The following CAMSAP2 variants were observed in gnomAD, a reference collection of about 807,000 sequenced individuals.
CAMSAP2 encodes calmodulin regulated spectrin associated protein family member 2.
A neutral mutation model predicts 146.1 loss-of-function variants in CAMSAP2; 26 were observed. The ratio of observed to expected loss-of-function variants is 0.18; its 90% confidence interval spans 0.13 to 0.25. The LOEUF is 0.25. Ranked by LOEUF, CAMSAP2 falls within the 10% of genes least tolerant of loss-of-function variation. CAMSAP2 has a pLI of 1.00. For synonymous variants in CAMSAP2, 499 were observed against 596.6 expected, an observed-to-expected ratio of 0.84 and a Z score of 2.38; for missense variants, 1,381 against 1,759.3, an observed-to-expected ratio of 0.78 and a Z score of 3.85.
rs118074931 is a variant in CAMSAP2 at position 200,753,188 on chromosome 1, C to G, written c.140-7651C>G. On this transcript the variant is annotated intron_variant, in intron 1 of 16. Coordinates refer to ENST00000358823, the MANE Select transcript of CAMSAP2 (RefSeq NM_203459.4). ...TGGTCCGTGCTTGTGGTTCCAGCTA[C>G]TCGGTAGGCCGAGGCAGGAGAATTG... 6.4e-4 allele frequency among the ~76,000 whole-genome samples: 97 copies of G among 151,396 alleles called. 3 individuals are homozygous for G. The East Asian group carries it at 0.017, about 26-fold the overall frequency.
At position 200,857,388 on chromosome 1, in the gene CAMSAP2, A is replaced by G; in HGVS notation, c.4095A>G (p.Gly1365=). ...QNALAHCCLA[G]KVNEGQKKKI... is the part of the protein sequence containing the mutation. ...CTTTAGCTCATTGCTGTTTGGCTGG[A>G]AAAGTAAATGAAGGTCAGAAGAAAA... Residue 1365 remains glycine (G), a synonymous_variant, in exon 16 of 17, where the codon GGA becomes GGG. Transcript: ENST00000358823. This position sits in a 1 kb window ranked among gnomAD's most constrained non-coding sequence, Gnocchi z 4.7. The G allele has an allele frequency of 6.2e-7, 1 of 1,613,498 alleles. No homozygotes were observed. Among genetic ancestry groups the G allele is most frequent in the Non-Finnish European group, 8.5e-7 (1 of 1,179,536 alleles).
intron 6 of CAMSAP2, among the ~76,000 whole-genome samples, chr1:200,838,313 G>A (rs1667233130): frequency 6.6e-6 from 1 of 152,154 alleles, no homozygotes; most frequent in Non-Finnish European, 1.5e-5. Context: ...AACTAGGCTA[G>A]TAAAATGGAA....
At chr1:200,822,502 G>A (rs1014437916) in intron 4 of CAMSAP2, among the ~76,000 whole-genome samples, 2 of 152,110 alleles carry the variant, frequency 1.3e-5, no homozygotes, top group South Asian at 2.1e-4. Context: ...ATTAGATGAA[G>A]GTTGTGCTTT....
intron 2 of CAMSAP2, among the ~76,000 whole-genome samples, chr1:200,798,281 G>C (rs995513166): frequency 6.6e-5 from 9 of 136,268 alleles, no homozygotes; most frequent in Non-Finnish European, 1.2e-4. Context: ...TCACGATATT[G>C]ATTCTTCCCA....
At chr1:200,817,190 A>ACACG (rs1553288792) in intron 4 of CAMSAP2, among the ~76,000 whole-genome samples, 5 of 77,392 alleles carry the variant, frequency 6.5e-5, no homozygotes, top group African/African-American at 3.7e-4. Flanking sequence ...ACACACACAC[A>ACACG]TGTGTGTGTG....
intron 6 of CAMSAP2, among the ~76,000 whole-genome samples, chr1:200,837,284 G>A (rs1420913048): frequency 1.3e-5 from 2 of 152,102 alleles, no homozygotes; most frequent in Non-Finnish European, 1.5e-5. Flanking sequence ...TAAGGAAAGT[G>A]TCTGTTTTCC....
intron 9 of CAMSAP2, 110 bp from the exon 10 acceptor site, chr1:200,847,530 T>C (rs2131834): frequency 1 from 886,865 of 886,938 alleles, 443,396 homozygotes; most frequent in Non-Finnish European, 1. Flanking sequence ...TATGTACCTA[T>C]TTAATTTGTA....
intron 6 of CAMSAP2, among the ~76,000 whole-genome samples, chr1:200,833,770 A>T (rs1050187329): frequency 6.6e-6 from 1 of 152,206 alleles, no homozygotes; most frequent in Non-Finnish European, 1.5e-5. Flanking sequence ...CTATTTAACT[A>T]CCATTATGCA....
intron 1 of CAMSAP2, among the ~76,000 whole-genome samples, chr1:200,754,948 G>A (rs555819950): frequency 2.4e-4 from 37 of 152,250 alleles, no homozygotes; most frequent in Non-Finnish European, 5.0e-4. Context: ...GTTTTATTCA[G>A]TGGGTTATAA....
intron 3 of CAMSAP2, among the ~76,000 whole-genome samples, chr1:200,810,734 C>T (rs990440082): frequency 1.3e-5 from 2 of 149,092 alleles, no homozygotes; most frequent in Admixed American, 6.7e-5. Flanking sequence ...ACTAAAAATA[C>T]AGAAATTAGC....
chr1:200,738,958 T>C lies in CAMSAP2; in HGVS notation c.-870T>C, dbSNP rs1008225568. Among the ~76,000 whole-genome samples, 4 of 109,438 alleles carry C rather than the reference T, an allele frequency of 3.7e-5. No homozygotes were observed. Among genetic ancestry groups the C allele is most frequent in the African/African-American group, 1.5e-4 (4 of 27,356 alleles). The allele number at this position is 109,438 out of a possible 152,430, so 71.8% of individuals were successfully genotyped here. On this transcript the variant is annotated 5_prime_UTR_variant, in exon 1 of 17. Transcript: ENST00000358823. ...AAACCGCAGCGGCGGCGGCGGCGGC[T>C]GAGGGGGAACGATCCAGCGAGCTGC...
At chr1:200,807,353 T>C in intron 2 of CAMSAP2, 23 bp from the exon 3 acceptor site, 1 of 1,458,116 alleles carries the variant, frequency 6.9e-7, no homozygotes, top group Non-Finnish European at 9.1e-7. Flanking sequence ...TTTAAACTAT[T>C]TGTTCTTGTT....
chr1:200,774,815 A>T (rs1386189826), intron 2 of CAMSAP2, among the ~76,000 whole-genome samples: 1 of 152,246 alleles, frequency 6.6e-6, no homozygotes, highest in Non-Finnish European at 1.5e-5. Flanking sequence ...TAAAGGTCCT[A>T]CTAAGAATTT....
chr1:200,836,596 G>A (rs1310017677), intron 6 of CAMSAP2, among the ~76,000 whole-genome samples: 1 of 152,094 alleles, frequency 6.6e-6, no homozygotes, highest in Non-Finnish European at 1.5e-5. Context: ...ATGTTCCTTT[G>A]GGATATACCC....
chr1:200,779,793 C>T (rs6658596), intron 2 of CAMSAP2, among the ~76,000 whole-genome samples: 19,555 of 151,464 alleles, frequency 0.13, 1,291 homozygotes, highest in East Asian at 0.17. Context: ...GGTCTTATAT[C>T]TCAGATTGGG....
At chr1:200,844,522 T>C (rs1398132962) in intron 7 of CAMSAP2, among the ~76,000 whole-genome samples, 1 of 152,064 alleles carries the variant, frequency 6.6e-6, no homozygotes, top group East Asian at 1.9e-4. Context: ...CACTCCAGCC[T>C]GGGTGACAGA....
At chr1:200,819,638 T>C (rs555553795) in intron 4 of CAMSAP2, among the ~76,000 whole-genome samples, 7 of 152,278 alleles carry the variant, frequency 4.6e-5, no homozygotes, top group East Asian at 1.9e-4. Flanking sequence ...TTTTTTTTAA[T>C]CTGTAAAAAT....
intron 12 of CAMSAP2, 142 bp downstream of exon 12, chr1:200,852,819 G>C: frequency 1.2e-6 from 1 of 822,940 alleles, no homozygotes; most frequent in South Asian, 2.7e-5. Context: ...TTGTAGTATA[G>C]ATAGACAGCT....
intron 3 of CAMSAP2, among the ~76,000 whole-genome samples, chr1:200,813,309 C>G (rs1666385767): frequency 1.3e-5 from 2 of 152,238 alleles, no homozygotes; most frequent in South Asian, 4.1e-4. Flanking sequence ...GGCTACACCT[C>G]TTAATATTAA....
Sources: allele counts gnomAD v4.1 joint callset (sites outside exome capture counted in the v4.1 genomes callset), GRCh38; gene constraint gnomAD v4.1.1; non-coding constraint Gnocchi (gnomAD v3.1); transcripts MANE v1.5; gene names NCBI Gene and HGNC (gene_info 2026-07-23, HGNC 2026-07-21).